HECW1: variants seen among roughly 807,000 people sequenced by gnomAD.
HECW1 encodes E3 ubiquitin-protein ligase HECW1.
A neutral mutation model predicts 182.3 loss-of-function variants in HECW1; 61 were observed. That is an observed-to-expected ratio of 0.33 (90% CI 0.27 to 0.41). The LOEUF (loss-of-function observed/expected upper bound fraction) is 0.41. Ranked by LOEUF, HECW1 falls within the 10% of genes least tolerant of loss-of-function variation. The probability of loss-of-function intolerance (pLI) is 1.00; values close to 1 mark genes in which losing one functional copy is unlikely to be tolerated. For missense variants in HECW1, 1,739 were observed against 2,108.9 expected, an observed-to-expected ratio of 0.82 and a Z score of 3.44; for synonymous variants, 859 against 832.6, an observed-to-expected ratio of 1.03 and a Z score of -0.55.
intron 5 of HECW1, among the ~76,000 whole-genome samples, chr7:43,347,051 G>A (rs777708979): frequency 3.2e-4 from 48 of 152,030 alleles, no homozygotes; most frequent in Non-Finnish European, 6.3e-4. Context: ...ATTCTGAAGG[G>A]GATTGCATTG....
At chr7:43,461,766 T>TTG (rs1444242002) in intron 13 of HECW1, among the ~76,000 whole-genome samples, 5 of 152,164 alleles carry the variant, frequency 3.3e-5, no homozygotes, top group Non-Finnish European at 4.4e-5. Context: ...CTTCCACATT[T>TTG]TGTTCTAAGA....
chr7:43,137,169 C>T lies in HECW1; in HGVS notation c.-32+22778C>T, dbSNP rs116196530. On this transcript the variant is annotated intron_variant, in intron 2 of 29. Transcript: ENST00000395891. Reference sequence around the variant, plus strand: ...GTGTGTGGGGTGGGTTCAATCGCTTCATGTCTGAATCACCGAAGGAGCACT... The same window carrying T: ...GTGTGTGGGGTGGGTTCAATCGCTTTATGTCTGAATCACCGAAGGAGCACT... Among the ~76,000 whole-genome samples the T allele has an allele frequency of 3.1e-3, 470 of 152,302 alleles. 3 individuals are homozygous for T. The highest frequency in any genetic ancestry group is 0.011 in the African/African-American group (455 of 41,564).
At chr7:43,237,109 A>C in intron 2 of HECW1, among the ~76,000 whole-genome samples, 1 of 151,056 alleles carries the variant, frequency 6.6e-6, no homozygotes, top group African/African-American at 2.4e-5. Flanking sequence ...GAGGGAGGGA[A>C]GAAAGAAAAA....
chr7:43,488,484 G>GAGAA (rs2078798107), intron 17 of HECW1, among the ~76,000 whole-genome samples: 1 of 147,072 alleles, frequency 6.8e-6, no homozygotes, highest in Non-Finnish European at 1.5e-5. Context: ...AAGAAAGAAA[G>GAGAA]AAAGAGAAAG....
chr7:43,180,905 A>G (rs770605396), intron 2 of HECW1, among the ~76,000 whole-genome samples: 12 of 152,152 alleles, frequency 7.9e-5, no homozygotes, highest in Non-Finnish European at 1.6e-4. Context: ...ATTGCTAACC[A>G]TAGTCACCCT....
At chr7:43,485,860 AT>A (rs1563041419) in intron 17 of HECW1, among the ~76,000 whole-genome samples, 2 of 151,922 alleles carry the variant, frequency 1.3e-5, no homozygotes, top group Admixed American at 6.6e-5. Context: ...GCTACACTAA[AT>A]TTTTTTTATT....
chr7:43,209,669 A>T (rs889372108), intron 2 of HECW1, among the ~76,000 whole-genome samples: 2 of 152,218 alleles, frequency 1.3e-5, no homozygotes, highest in Non-Finnish European at 2.9e-5. Context: ...AGACGTACAG[A>T]TGCGAAGCCT....
intron 24 of HECW1, among the ~76,000 whole-genome samples, chr7:43,530,624 C>T (rs922422017): frequency 1.3e-5 from 2 of 152,064 alleles, no homozygotes; most frequent in African/African-American, 2.4e-5. Context: ...CATATGAATT[C>T]TAAATTTATA....
At chr7:43,293,849 A>G (rs1364965639) in intron 3 of HECW1, among the ~76,000 whole-genome samples, 1 of 152,192 alleles carries the variant, frequency 6.6e-6, no homozygotes. Context: ...GGAGGTGAGC[A>G]GCAGCAAGCA....
chr7:43,156,123 T>A (rs1021235201), intron 2 of HECW1, among the ~76,000 whole-genome samples: 7 of 152,248 alleles, frequency 4.6e-5, no homozygotes, highest in Non-Finnish European at 8.8e-5. Context: ...GGAAGTTTTT[T>A]AAAAATGACT....
intron 24 of HECW1, among the ~76,000 whole-genome samples, chr7:43,521,289 A>G (rs536299862): frequency 9.8e-5 from 15 of 152,308 alleles, no homozygotes; most frequent in African/African-American, 3.6e-4. Context: ...CCCACTAGGT[A>G]CAGTAGCACC....
intron 2 of HECW1, among the ~76,000 whole-genome samples, chr7:43,233,506 C>CA (rs1798055301): frequency 6.6e-6 from 1 of 152,186 alleles, no homozygotes; most frequent in African/African-American, 2.4e-5. Context: ...GTGGTGCAGT[C>CA]CATTTAGCAG....
At chr7:43,459,940 T>A (rs2077526285) in intron 13 of HECW1, among the ~76,000 whole-genome samples, 1 of 152,246 alleles carries the variant, frequency 6.6e-6, no homozygotes, top group Non-Finnish European at 1.5e-5. Context: ...ATATTCTTTT[T>A]TCACTTACTA....
At chr7:43,366,357 C>T (rs761336901) in intron 6 of HECW1, among the ~76,000 whole-genome samples, 1 of 152,138 alleles carries the variant, frequency 6.6e-6, no homozygotes, top group African/African-American at 2.4e-5. Context: ...ACCCTCCCTT[C>T]CCCAAATTCT....
Position 43,210,450 on chromosome 7 carries a change from A to AGTGTGTGTGTGT in HECW1, c.-31-33409_-31-33398dup, listed in dbSNP as rs57987187. 1.7e-3 allele frequency among the ~76,000 whole-genome samples: 245 copies of AGTGTGTGTGTGT among 145,506 alleles called. 2 individuals carry two copies. The highest frequency in any genetic ancestry group is 0.011 in the South Asian group (51 of 4,446). ...ACTCAAGAAGGATCAAGTAGAAGTGAGTGTGTGTGTGTGTGTGTGTGTGTG... is the reference window on the plus strand; with the variant it reads ...ACTCAAGAAGGATCAAGTAGAAGTGAGTGTGTGTGTGTGTGTGTGTGTGTGTGTGTGTGTGTG... On this transcript the variant is annotated intron_variant, in intron 2 of 29. Transcript: ENST00000395891.
chr7:43,520,683 C>A (rs1207771220), intron 24 of HECW1, among the ~76,000 whole-genome samples: 15 of 151,922 alleles, frequency 9.9e-5, no homozygotes, highest in Admixed American at 9.2e-4. Context: ...GGTTTCCAAA[C>A]CCTTTTAGCT....
chr7:43,337,074 G>A (rs1812389156), intron 5 of HECW1, among the ~76,000 whole-genome samples: 1 of 152,056 alleles, frequency 6.6e-6, no homozygotes, highest in African/African-American at 2.4e-5. Context: ...TGGGTTTGCT[G>A]GATCTAATGG....
At chr7:43,548,655 G>A (rs2081665610) in intron 26 of HECW1, among the ~76,000 whole-genome samples, 1 of 152,166 alleles carries the variant, frequency 6.6e-6, no homozygotes, top group African/African-American at 2.4e-5. Flanking sequence ...TAAAAGCCCT[G>A]TTGAGGCTGA....
In HECW1 at chr7:43,221,537, G is replaced by GTTTTTTTTTTTTTT. The variant is rs71008897; in HGVS notation, c.-31-22309_-31-22296dup. On this transcript the variant is annotated intron_variant, in intron 2 of 29. Transcript: ENST00000395891. ...CTAAACTAAATGTCAGAGGAATTAG[G>GTTTTTTTTTTTTTT]TTTTTTTTTTTTTTTTTTTTTTTTT... is the stretch of plus-strand genomic sequence containing the variant. 2.0e-4 allele frequency among the ~76,000 whole-genome samples: 10 copies of GTTTTTTTTTTTTTT among 50,530 alleles called. 5 individuals carry two copies. The highest frequency in any genetic ancestry group is 1.6e-3 in the East Asian group (2 of 1,238). The allele number at this position is 50,530 out of a possible 152,430, so 33.1% of individuals were successfully genotyped here.
Sources: gnomAD v4.1 joint callset for allele counts (sites outside exome capture counted in the v4.1 genomes callset) on GRCh38, gnomAD v4.1.1 for gene constraint, MANE v1.5 for transcripts, NCBI Gene and HGNC (gene_info 2026-07-23, HGNC 2026-07-21) for gene names.